The following MATN2 variants were observed in gnomAD, a reference collection of about 807,000 sequenced individuals.
MATN2 encodes matrilin 2.
In MATN2, 69 loss-of-function variants were observed where a neutral mutation model predicts 103.2. The observed-to-expected ratio is 0.67, with a 90% CI of 0.55 to 0.82. MATN2 has a LOEUF of 0.82. Among genes scored for constraint, MATN2 ranks in the 40% least tolerant of loss-of-function variants. The pLI is 0.00. For missense variants in MATN2, 1,023 were observed against 1,211.5 expected (o/e 0.84, Z 2.31); for synonymous variants, 429 against 450.2 (o/e 0.95, Z 0.60).
chr8:98,029,447 A>G (rs1407791899), intron 14 of MATN2, among the ~76,000 whole-genome samples: 1 of 152,232 alleles, frequency 6.6e-6, no homozygotes, highest in East Asian at 1.9e-4. Context: ...ACACAAAGAC[A>G]GGTGGTAGCA....
At chr8:97,920,125 A>G (rs1809764685) in intron 2 of MATN2, among the ~76,000 whole-genome samples, 1 of 152,060 alleles carries the variant, frequency 6.6e-6, no homozygotes, top group Non-Finnish European at 1.5e-5. Flanking sequence ...GCCATTAGTG[A>G]CCCTTGGGAT....
intron 4 of MATN2, among the ~76,000 whole-genome samples, chr8:97,946,275 C>T: frequency 6.6e-6 from 1 of 152,142 alleles, no homozygotes; most frequent in East Asian, 1.9e-4. Flanking sequence ...AGAATTTTAG[C>T]TTCCATCACT....
chr8:98,009,747 G>C (rs1813095539), intron 10 of MATN2, among the ~76,000 whole-genome samples: 1 of 152,176 alleles, frequency 6.6e-6, no homozygotes, highest in Admixed American at 6.5e-5. Flanking sequence ...GGTCGGGGAG[G>C]GGATGGGGCG....
intron 1 of MATN2, among the ~76,000 whole-genome samples, chr8:97,870,094 G>A (rs1226165105): frequency 6.6e-6 from 1 of 152,174 alleles, no homozygotes; most frequent in African/African-American, 2.4e-5. Flanking sequence ...CAGAGACTGG[G>A]GTCAGCCTGC....
chr8:97,988,189 T>TATATATATACAC (rs71570279), intron 6 of MATN2, among the ~76,000 whole-genome samples: 7 of 54,956 alleles, frequency 1.3e-4, no homozygotes, highest in African/African-American at 5.4e-4. Flanking sequence ...TATATATATA[T>TATATATATACAC]ACACACACAC....
intron 6 of MATN2, among the ~76,000 whole-genome samples, chr8:97,990,179 C>CAAAAAAAAAAAAAA (rs34924183): frequency 2.2e-5 from 1 of 45,802 alleles, no homozygotes. Flanking sequence ...AAGACTCTGT[C>CAAAAAAAAAAAAAA]AAAAAAAAAA....
chr8:97,980,773 T>C (rs1037688859), intron 6 of MATN2, among the ~76,000 whole-genome samples: 3 of 151,882 alleles, frequency 2.0e-5, no homozygotes, highest in African/African-American at 7.3e-5. Context: ...TTCACCATAT[T>C]AGCCAGGCTG....
chr8:97,994,392 T>C (rs1424594901), intron 6 of MATN2, 88 bp from the exon 7 acceptor site: 1 of 1,430,622 alleles, frequency 7.0e-7, no homozygotes, highest in Non-Finnish European at 9.5e-7. Flanking sequence ...TTTACCTGTT[T>C]GGGAAAATGA....
intron 18 of MATN2, chr8:98,034,222 G>A: frequency 2.2e-6 from 1 of 454,800 alleles, no homozygotes. Context: ...CTCCACCAAG[G>A]GAACAGCAGG....
chr8:97,979,025 T>C lies in MATN2; in HGVS notation c.1081+17T>C, dbSNP rs1811938872. 2 of 1,597,420 alleles carry C rather than the reference T, an allele frequency of 1.3e-6. No homozygotes were observed. The highest frequency in any genetic ancestry group is 2.2e-5 in the East Asian group (1 of 44,580). On this transcript the variant is annotated intron_variant, in intron 6 of 18. Coordinates refer to ENST00000254898, the MANE Select transcript of MATN2 (RefSeq NM_002380.5). ...CGTGCACAAGTAAGTTACACACACA[T>C]GCACACACAGAGAAATATTTGCTGT...
In MATN2 at chr8:97,973,767, G is replaced by A. The variant is rs935485965; in HGVS notation, c.959-5119G>A. On this transcript the variant is annotated intron_variant, in intron 5 of 18. Transcript: ENST00000254898. The stretch of plus-strand genomic sequence containing the variant: ...GTATTTTTTGTAGAGATGGGGTCTC[G>A]CTATGTATCCCAGGCTGGTCTCGAA... 4.6e-5 allele frequency among the ~76,000 whole-genome samples: 7 copies of A among 151,812 alleles called. No individual in the cohort carries two copies. In the East Asian group the frequency reaches 5.8e-4, roughly 13 times the overall value.
intron 7 of MATN2, among the ~76,000 whole-genome samples, chr8:98,000,604 A>AAAAAAAAAAAAAAGAAAAG (rs1554613598): frequency 7.9e-6 from 1 of 127,208 alleles, no homozygotes; most frequent in Non-Finnish European, 1.7e-5. Flanking sequence ...CTCAAAAAAA[A>AAAAAAAAAAAAAAGAAAAG]AAAAAAGAAA....
chr8:97,910,000 G>T (rs976758616), intron 2 of MATN2, among the ~76,000 whole-genome samples: 1 of 151,722 alleles, frequency 6.6e-6, no homozygotes, highest in African/African-American at 2.4e-5. Flanking sequence ...AGCCAGGACG[G>T]TCTTGATCTC....
intron 2 of MATN2, among the ~76,000 whole-genome samples, chr8:97,907,190 G>A (rs993634298): frequency 8.6e-5 from 13 of 151,214 alleles, no homozygotes; most frequent in African/African-American, 2.4e-4. Context: ...TGGTAGAGAC[G>A]GGGTTTCACC....
At chr8:97,901,151 T>C (rs1818966809) in intron 2 of MATN2, among the ~76,000 whole-genome samples, 1 of 152,184 alleles carries the variant, frequency 6.6e-6, no homozygotes, top group Non-Finnish European at 1.5e-5. Context: ...CATTCTCCTC[T>C]TCCAGTTAAA....
At chr8:97,889,474 T>TATATATATATATATATATATATAC (rs1278069523) in intron 2 of MATN2, among the ~76,000 whole-genome samples, 1 of 141,722 alleles carries the variant, frequency 7.1e-6, no homozygotes, top group South Asian at 2.3e-4. Context: ...TATATATATA[T>TATATATATATATATATATATATAC]ATATATATAT....
chr8:97,933,850 G>C (rs1810284608), intron 3 of MATN2, among the ~76,000 whole-genome samples: 1 of 152,084 alleles, frequency 6.6e-6, no homozygotes, highest in Non-Finnish European at 1.5e-5. Flanking sequence ...AGAGGCCCCA[G>C]GGCCTCTTTA....
intron 2 of MATN2, among the ~76,000 whole-genome samples, chr8:97,898,462 TG>T (rs1818885638): frequency 2.0e-5 from 3 of 151,954 alleles, no homozygotes; most frequent in Admixed American, 2.0e-4. Context: ...CCAGGTGTGG[TG>T]GTGGGCACCT....
intron 2 of MATN2, among the ~76,000 whole-genome samples, chr8:97,898,432 C>T (rs1335499801): frequency 6.6e-6 from 1 of 151,890 alleles, no homozygotes; most frequent in Non-Finnish European, 1.5e-5. Context: ...CTTGTGTCTA[C>T]TAAAAATACA....
Sources: gnomAD v4.1 joint callset for allele counts (sites outside exome capture counted in the v4.1 genomes callset) on GRCh38, gnomAD v4.1.1 for gene constraint, MANE v1.5 for transcripts, NCBI Gene and HGNC (gene_info 2026-07-23, HGNC 2026-07-21) for gene names.